Variants in ACOT13 observed in about 807,000 individuals in gnomAD.
ACOT13 encodes the protein acyl-coenzyme A thioesterase 13.
In ACOT13, 10 loss-of-function variants were observed where a neutral mutation model predicts 11.8. The observed-to-expected ratio is 0.85, with a 90% CI of 0.53 to 1.44. The LOEUF (loss-of-function observed/expected upper bound fraction) is 1.44. ACOT13 is among the 40% of genes most tolerant of loss of function. The probability of loss-of-function intolerance (pLI) is 0.00; values close to 1 mark genes in which losing one functional copy is unlikely to be tolerated. For synonymous variants in ACOT13, 53 were observed against 61.0 expected (o/e 0.87, Z 0.61); for missense variants, 172 against 174.1 (o/e 0.99, Z 0.07).
At position 24,698,025 on chromosome 6, in the gene ACOT13, C is replaced by A. The variant is rs766809760; in HGVS notation, c.224C>A (p.Thr75Lys). 6.2e-7 allele frequency: 1 copy of A among 1,611,976 alleles called. No homozygotes were observed. The highest frequency in any genetic ancestry group is 1.3e-5 in the African/African-American group (1 of 74,834). ...DNISTMALLC[T>K]ERGAPGVSVD... The stretch of plus-strand genomic sequence containing the variant: ...ATATCAACAATGGCTCTGCTATGCA[C>A]GGAAAGGGGAGCACCCGGAGTCAGT... Residue 75 changes from threonine (T) to lysine (K), a missense_variant, in exon 2 of 3, where the codon ACG (threonine) becomes AAG (lysine). By Grantham distance (78) the Thr-to-Lys change is moderately conservative. Coordinates refer to ENST00000230048, the MANE Select transcript of ACOT13 (RefSeq NM_018473.4).
chr6:24,685,131 C>T (rs1778609103), intron 1 of ACOT13, among the ~76,000 whole-genome samples: 1 of 152,118 alleles, frequency 6.6e-6, no homozygotes, highest in Non-Finnish European at 1.5e-5. Context: ...ATTGCAAGTG[C>T]TCAGTACTGA....
At chr6:24,668,670 G>A (rs1251930064) in intron 1 of ACOT13, among the ~76,000 whole-genome samples, 1 of 152,212 alleles carries the variant, frequency 6.6e-6, no homozygotes, top group Non-Finnish European at 1.5e-5. Context: ...AATTGGCTGT[G>A]AAAAGCAACC....
rs1366176648 is a variant in ACOT13, at chr6:24,701,651, G to T, written c.*36G>T. 4 of 1,557,756 alleles carry T rather than the reference G, an allele frequency of 2.6e-6. No homozygotes were observed. The African/African-American group carries it at 5.5e-5, about 21-fold the overall frequency. The stretch of plus-strand genomic sequence containing the variant: ...GAATGACCTAAAGAAACCCAACAAT[G>T]AATATCAAGTATAGATTTGACTCAA... On this transcript the variant is annotated 3_prime_UTR_variant, in exon 3 of 3. Transcript: ENST00000230048.
intron 1 of ACOT13, among the ~76,000 whole-genome samples, chr6:24,675,038 G>A (rs957738505): frequency 7.2e-5 from 11 of 151,986 alleles, no homozygotes; most frequent in South Asian, 4.2e-4. Flanking sequence ...AGCTTCATCC[G>A]TGTCCCTACA....
chr6:24,690,241 G>A (rs1477509316), intron 1 of ACOT13, among the ~76,000 whole-genome samples: 2 of 152,124 alleles, frequency 1.3e-5, no homozygotes, highest in East Asian at 1.9e-4. Flanking sequence ...CCAAACTGAA[G>A]CTCAATTGCA....
At chr6:24,676,537 G>T (rs1244249342) in intron 1 of ACOT13, among the ~76,000 whole-genome samples, 1 of 152,192 alleles carries the variant, frequency 6.6e-6, no homozygotes, top group African/African-American at 2.4e-5. Context: ...TGTTATTGGT[G>T]TATAGGAATG....
At chr6:24,700,424 CCT>C (rs1778872991) in intron 2 of ACOT13, among the ~76,000 whole-genome samples, 2 of 139,990 alleles carry the variant, frequency 1.4e-5, no homozygotes, top group Non-Finnish European at 1.5e-5. Flanking sequence ...ATAAGATCCA[CCT>C]TTTTTTTTTT....
chr6:24,683,803 C>T (rs1049068715), intron 1 of ACOT13, among the ~76,000 whole-genome samples: 2 of 50,580 alleles, frequency 4.0e-5, no homozygotes, highest in African/African-American at 2.2e-4. Flanking sequence ...ACGCGTTTAT[C>T]TCAGTGAGCA....
At chr6:24,683,058 G>T (rs1778579306) in intron 1 of ACOT13, among the ~76,000 whole-genome samples, 1 of 152,204 alleles carries the variant, frequency 6.6e-6, no homozygotes, top group African/African-American at 2.4e-5. Context: ...TAGGCTTAGG[G>T]ATTCTTAGTT....
intron 1 of ACOT13, among the ~76,000 whole-genome samples, chr6:24,681,816 A>G (rs1053834135): frequency 6.6e-6 from 1 of 152,208 alleles, no homozygotes; most frequent in Admixed American, 6.5e-5. Context: ...CCTAGGAGGC[A>G]GGGATCAGAG....
intron 1 of ACOT13, chr6:24,687,424 C>G (rs890626535): frequency 8.2e-7 from 1 of 1,221,606 alleles, no homozygotes; most frequent in African/African-American, 1.6e-5. Flanking sequence ...GAGGAACATA[C>G]GTTGGGAATA....
chr6:24,669,966 A>G (rs981564184), intron 1 of ACOT13, among the ~76,000 whole-genome samples: 13 of 152,218 alleles, frequency 8.5e-5, no homozygotes, highest in African/African-American at 3.1e-4. Context: ...GGAAAAGAAA[A>G]GAAAAAAATT....
intron 1 of ACOT13, among the ~76,000 whole-genome samples, chr6:24,694,287 A>G (rs945464823): frequency 2.6e-5 from 4 of 152,144 alleles, no homozygotes; most frequent in Admixed American, 6.5e-5. Context: ...GACATCATAA[A>G]AGCCTCCATA....
chr6:24,692,117 C>T (rs539128410), intron 1 of ACOT13, among the ~76,000 whole-genome samples: 51 of 152,098 alleles, frequency 3.4e-4, no homozygotes, highest in African/African-American at 1.2e-3. Flanking sequence ...GGTCTTTGAA[C>T]GACTAGTTAA....
chr6:24,700,430 T>C (rs949508647), intron 2 of ACOT13, among the ~76,000 whole-genome samples: 2 of 128,884 alleles, frequency 1.6e-5, no homozygotes, highest in African/African-American at 6.0e-5. Flanking sequence ...TCCACCTTTT[T>C]TTTTTTTTTT....
chr6:24,675,706 T>A (rs974461228), intron 1 of ACOT13, among the ~76,000 whole-genome samples: 1 of 152,268 alleles, frequency 6.6e-6, no homozygotes, highest in Non-Finnish European at 1.5e-5. Context: ...TGGTAGTTTC[T>A]TTTGCTGTGC....
chr6:24,698,602 A>G (rs369874573), intron 2 of ACOT13, among the ~76,000 whole-genome samples: 186 of 152,114 alleles, frequency 1.2e-3, no homozygotes, highest in African/African-American at 4.4e-3. Flanking sequence ...TCATATACAC[A>G]TTATAATCTT....
chr6:24,686,679 GTCTTC>G (rs564095871), intron 1 of ACOT13, among the ~76,000 whole-genome samples: 117 of 125,962 alleles, frequency 9.3e-4, no homozygotes, highest in Admixed American at 4.6e-3. Flanking sequence ...TCTCTTTTCT[GTCTTC>G]TCTTCTCTTC....
At chr6:24,682,752 TAACA>T (rs1045800124) in intron 1 of ACOT13, among the ~76,000 whole-genome samples, 1 of 151,502 alleles carries the variant, frequency 6.6e-6, no homozygotes, top group Non-Finnish European at 1.5e-5. Context: ...GCTCGAGCCA[TAACA>T]AACATGGACC....
Sources: gnomAD v4.1 joint callset for allele counts (sites outside exome capture counted in the v4.1 genomes callset) on GRCh38, gnomAD v4.1.1 for gene constraint, MANE v1.5 for transcripts, NCBI Gene and HGNC (gene_info 2026-07-23, HGNC 2026-07-21) for gene names.